The following RASEF variants were observed in gnomAD, a reference collection of about 807,000 sequenced individuals.
The protein encoded by RASEF is ras and EF-hand domain-containing protein.
Under a neutral mutation model 90.1 loss-of-function variants are expected in RASEF, and 68 were observed. The observed-to-expected ratio is 0.75, with a 90% confidence interval of 0.62 to 0.92. The LOEUF (loss-of-function observed/expected upper bound fraction) is 0.92, where lower values mean the gene tolerates loss of function less well. Ranked by LOEUF, RASEF falls within the 40% of genes least tolerant of loss-of-function variation. The pLI, the probability that RASEF is intolerant of heterozygous loss-of-function variation, is 0.00. For synonymous variants in RASEF, 331 were observed against 345.2 expected (o/e 0.96, Z 0.46); for missense variants, 949 against 937.2 (o/e 1.01, Z -0.16).
the RASEF span, among the ~76,000 whole-genome samples, chr9:83,165,376 A>C: frequency 6.6e-6 from 1 of 152,152 alleles, no homozygotes; most frequent in Admixed American, 6.5e-5. Flanking sequence ...CCCAAGTCTC[A>C]GAGATTGCAT....
the RASEF span, among the ~76,000 whole-genome samples, chr9:83,217,672 C>T: frequency 0.81 from 123,309 of 152,118 alleles, 50,316 homozygotes; most frequent in East Asian, 0.96. Flanking sequence ...TCCCCAGCCA[C>T]GTGGAACTGT....
chr9:83,166,250 G>A, the RASEF span, among the ~76,000 whole-genome samples: 14 of 152,028 alleles, frequency 9.2e-5, no homozygotes, highest in African/African-American at 2.7e-4. Flanking sequence ...ACATAGCTGC[G>A]AAAGTCCCCG....
intron 6 of RASEF, 99 bp from the exon 7 acceptor site, chr9:83,007,604 G>A (rs931971636): frequency 3.5e-6 from 3 of 867,428 alleles, no homozygotes; most frequent in East Asian, 2.4e-5. Flanking sequence ...TTTCAAAGAC[G>A]AGTGTCCTTG....
chr9:83,046,505 T>C (rs1348185382), intron 1 of RASEF, among the ~76,000 whole-genome samples: 1 of 152,126 alleles, frequency 6.6e-6, no homozygotes, highest in African/African-American at 2.4e-5. Flanking sequence ...AAGCAAACCA[T>C]ATCTGCCAGT....
chr9:83,110,862 A>G, the RASEF span, among the ~76,000 whole-genome samples: 3 of 152,230 alleles, frequency 2.0e-5, no homozygotes, highest in South Asian at 2.1e-4. Flanking sequence ...GAAAAAACCA[A>G]TCCCCACTAG....
the RASEF span, among the ~76,000 whole-genome samples, chr9:83,207,325 C>G: frequency 6.6e-6 from 1 of 152,146 alleles, no homozygotes; most frequent in East Asian, 1.9e-4. Flanking sequence ...CTTTTGCTCT[C>G]GAGTTATTTC....
chr9:83,084,614 C>T, the RASEF span, among the ~76,000 whole-genome samples: 1 of 152,176 alleles, frequency 6.6e-6, no homozygotes, highest in Non-Finnish European at 1.5e-5. Flanking sequence ...AAATATATCA[C>T]AATGTGGGAC....
the RASEF span, among the ~76,000 whole-genome samples, chr9:83,165,432 A>G: frequency 4.6e-5 from 7 of 152,168 alleles, no homozygotes; most frequent in African/African-American, 1.7e-4. Context: ...ATCTCAAGAG[A>G]TGCTCTAAAA....
chr9:83,203,850 A>G, the RASEF span, among the ~76,000 whole-genome samples: 1 of 152,302 alleles, frequency 6.6e-6, no homozygotes, highest in African/African-American at 2.4e-5. Flanking sequence ...TGGCTGGAGC[A>G]AGAGGATGAG....
chr9:82,987,284 C>T (rs1483784912), intron 16 of RASEF, among the ~76,000 whole-genome samples: 1 of 152,148 alleles, frequency 6.6e-6, no homozygotes, highest in Non-Finnish European at 1.5e-5. Context: ...ATATTTAACA[C>T]ATCACTAACA....
At chr9:83,089,885 AGATAGAT>A in the RASEF span, among the ~76,000 whole-genome samples, 3 of 143,782 alleles carry the variant, frequency 2.1e-5, no homozygotes, top group African/African-American at 5.3e-5. Flanking sequence ...GGGACTTTAT[AGATAGAT>A]GATAGATAGA....
At chr9:82,996,879 T>A (rs890441843) in intron 14 of RASEF, 133 bp downstream of exon 14, 2 of 620,508 alleles carry the variant, frequency 3.2e-6, no homozygotes, top group African/African-American at 3.7e-5. Flanking sequence ...GCCTGTAGCA[T>A]CCAATTCTTC....
At chr9:83,144,323 G>GAAAGA in the RASEF span, among the ~76,000 whole-genome samples, 4,730 of 79,948 alleles carry the variant, frequency 0.059, 243 homozygotes, top group Middle Eastern at 0.081. Context: ...AAGAAAGAAA[G>GAAAGA]AAGGAAAGAA....
the RASEF span, among the ~76,000 whole-genome samples, chr9:83,089,957 T>C: frequency 6.6e-6 from 1 of 152,064 alleles, no homozygotes; most frequent in Non-Finnish European, 1.5e-5. Flanking sequence ...TATAGATATA[T>C]AGATATAGAT....
intron 1 of RASEF, among the ~76,000 whole-genome samples, chr9:83,034,848 AACCTAC>A (rs1829711057): frequency 6.6e-6 from 1 of 152,232 alleles, no homozygotes; most frequent in South Asian, 2.1e-4. Context: ...AAGTGGGTAT[AACCTAC>A]CACCTAAGGG....
rs376557595 is a variant in RASEF, at chr9:83,062,492, G to A, written c.376C>T (p.Arg126Trp). 5.9e-5 allele frequency: 95 copies of A among 1,611,960 alleles called. No homozygotes were observed. Among genetic ancestry groups the A allele is most frequent in the Non-Finnish European group, 6.7e-5 (79 of 1,179,478 alleles). ...ATSCGPASPG[R>W]AWQDFQARLG... is the part of the protein sequence containing the mutation. ...CGCGCCTGGAAATCCTGCCAAGCCC[G>A]GCCGGGACTCGCCGGGCCGCACGAG... Residue 126 changes from arginine to tryptophan, a missense_variant, in exon 1 of 17, where the codon CGG (arginine) becomes TGG (tryptophan). Transcript: ENST00000376447.
At chr9:83,009,232 T>C (rs1475911724) in intron 6 of RASEF, among the ~76,000 whole-genome samples, 2 of 152,028 alleles carry the variant, frequency 1.3e-5, no homozygotes, top group Non-Finnish European at 1.5e-5. Context: ...AATGTATGTA[T>C]GTGTATTAGG....
chr9:83,092,003 C>CTTTTTTTTT, the RASEF span, among the ~76,000 whole-genome samples: 177 of 35,360 alleles, frequency 5.0e-3, no homozygotes, highest in Non-Finnish European at 5.6e-3. Flanking sequence ...TCTTTTATTT[C>CTTTTTTTTT]TTTTTTTTTT....
chr9:83,193,559 CT>C, the RASEF span, among the ~76,000 whole-genome samples: 6 of 152,256 alleles, frequency 3.9e-5, no homozygotes, highest in South Asian at 6.2e-4. Flanking sequence ...GGAACAGTGC[CT>C]AGCACAGTTC....
Sources: gnomAD v4.1 joint callset for allele counts (sites outside exome capture counted in the v4.1 genomes callset) on GRCh38, gnomAD v4.1.1 for gene constraint, MANE v1.5 for transcripts, NCBI Gene and HGNC (gene_info 2026-07-23, HGNC 2026-07-21) for gene names.